Variants in MOGAT1 observed in about 807,000 individuals in gnomAD.
MOGAT1 encodes monoacylglycerol O-acyltransferase 1.
MOGAT1 carries 32 observed loss-of-function variants against 31.4 expected under a neutral mutation model. That is an observed-to-expected ratio of 1.02 (90% CI 0.77 to 1.37). The LOEUF is 1.37. Among genes scored for constraint, MOGAT1 ranks in the 40% most tolerant of loss-of-function variants. The pLI is 0.00. For synonymous variants in MOGAT1, 145 were observed against 144.5 expected (o/e 1.00, Z -0.03); for missense variants, 426 against 402.0 (o/e 1.06, Z -0.51).
At chr2:222,696,430 AT>A (rs759159968) in intron 5 of MOGAT1, among the ~76,000 whole-genome samples, 2 of 152,190 alleles carry the variant, frequency 1.3e-5, no homozygotes, top group Non-Finnish European at 1.5e-5. Context: ...AACATCTATT[AT>A]TTTTTGAATT....
chr2:222,680,179 C>T (rs1025802146), intron 1 of MOGAT1, among the ~76,000 whole-genome samples: 1 of 152,186 alleles, frequency 6.6e-6, no homozygotes, highest in African/African-American at 2.4e-5. Flanking sequence ...GGAGAAAGTA[C>T]ATTTTAACAT....
chr2:222,671,892 C>T lies in MOGAT1; in HGVS notation c.94+13C>T, dbSNP rs766438332. 29 of 1,544,368 alleles carry T rather than the reference C, an allele frequency of 1.9e-5. No individual in the cohort carries two copies. Among genetic ancestry groups the T allele is most frequent in the Non-Finnish European group, 2.5e-5 (29 of 1,141,188 alleles). ...TACCTGCTGCTCGGTAAGGACCCCG[C>T]CCCCCGGGCCGCGGGGCTTGGGCTC... On this transcript the variant is annotated intron_variant, in intron 1 of 5. Transcript: ENST00000446656.
chr2:222,694,105 A>G (rs1314842153), intron 3 of MOGAT1, among the ~76,000 whole-genome samples: 1 of 152,178 alleles, frequency 6.6e-6, no homozygotes, highest in African/African-American at 2.4e-5. Context: ...ACCTACCTAA[A>G]CAAACAAGTG....
In MOGAT1 at chr2:222,689,271, A is replaced by G. The variant is rs939720598; in HGVS notation, c.280A>G (p.Lys94Glu). Residue 94 changes from lysine to glutamate, a missense_variant, in exon 3 of 6, where the codon AAA becomes GAA. Coordinates refer to ENST00000446656, the MANE Select transcript of MOGAT1 (RefSeq NM_058165.3). ...CAATATGAATGTGCTGTAGCTTATC[A>G]AAACTCAAGATTTGGATCCAAGTCA... ...FKDYFPIHLI[K>E]TQDLDPSHNY... The G allele has an allele frequency of 1.9e-6, 3 of 1,612,548 alleles. No homozygotes were observed. Among genetic ancestry groups the G allele is most frequent in the African/African-American group, 1.3e-5 (1 of 74,898 alleles).
At chr2:222,684,250 A>G (rs1692628388) in intron 1 of MOGAT1, among the ~76,000 whole-genome samples, 1 of 152,018 alleles carries the variant, frequency 6.6e-6, no homozygotes, top group Non-Finnish European at 1.5e-5. Context: ...CTAAAACTAC[A>G]AAAATTAGCT....
intron 5 of MOGAT1, among the ~76,000 whole-genome samples, chr2:222,703,546 G>A (rs1025375509): frequency 1.3e-5 from 2 of 152,158 alleles, no homozygotes; most frequent in African/African-American, 4.8e-5. Flanking sequence ...ATGTTCATGA[G>A]TGAGTGTGTC....
chr2:222,680,156 A>G (rs1246123692), intron 1 of MOGAT1, among the ~76,000 whole-genome samples: 1 of 152,218 alleles, frequency 6.6e-6, no homozygotes, highest in Non-Finnish European at 1.5e-5. Context: ...AGTTCCTTCA[A>G]TCTGGAAAAT....
chr2:222,676,448 G>C (rs1333872865), intron 1 of MOGAT1, among the ~76,000 whole-genome samples: 3 of 151,982 alleles, frequency 2.0e-5, no homozygotes, highest in African/African-American at 4.8e-5. Context: ...ATTGCTTTTT[G>C]TTTCTAAGCA....
At chr2:222,704,008 C>T (rs1464989424) in intron 5 of MOGAT1, among the ~76,000 whole-genome samples, 1 of 152,076 alleles carries the variant, frequency 6.6e-6, no homozygotes, top group African/African-American at 2.4e-5. Context: ...ACATGCATAA[C>T]TAATCTTGAA....
At chr2:222,675,646 A>AT in intron 1 of MOGAT1, among the ~76,000 whole-genome samples, 1 of 151,518 alleles carries the variant, frequency 6.6e-6, no homozygotes, top group Non-Finnish European at 1.5e-5. Flanking sequence ...CGCCCGGCTG[A>AT]TTTTTTGTAT....
intron 1 of MOGAT1, among the ~76,000 whole-genome samples, chr2:222,684,619 C>A (rs945806739): frequency 1.3e-5 from 2 of 151,892 alleles, no homozygotes; most frequent in Non-Finnish European, 2.9e-5. Flanking sequence ...CCCTGTCACC[C>A]GGGCTGAAGT....
intron 5 of MOGAT1, among the ~76,000 whole-genome samples, chr2:222,703,313 T>G (rs1692955345): frequency 6.6e-6 from 1 of 152,198 alleles, no homozygotes; most frequent in Non-Finnish European, 1.5e-5. Flanking sequence ...GGAGGGCATA[T>G]TCTACAGAGG....
chr2:222,702,841 AAAAC>A (rs1313931186), intron 5 of MOGAT1, among the ~76,000 whole-genome samples: 12 of 152,008 alleles, frequency 7.9e-5, no homozygotes, highest in Admixed American at 2.6e-4. Flanking sequence ...AAAACCACAA[AAAAC>A]AAACAAACAA....
intron 3 of MOGAT1, among the ~76,000 whole-genome samples, chr2:222,692,796 G>C (rs936946925): frequency 2.6e-5 from 4 of 152,194 alleles, no homozygotes; most frequent in Non-Finnish European, 5.9e-5. Flanking sequence ...CAAGGAGCCT[G>C]AGGGAAAACG....
At chr2:222,675,987 T>C (rs1692491572) in intron 1 of MOGAT1, among the ~76,000 whole-genome samples, 1 of 152,160 alleles carries the variant, frequency 6.6e-6, no homozygotes, top group South Asian at 2.1e-4. Context: ...TAAATCAAAA[T>C]CCCAGAATGC....
At chr2:222,679,258 G>T (rs1281207159) in intron 1 of MOGAT1, among the ~76,000 whole-genome samples, 1 of 152,112 alleles carries the variant, frequency 6.6e-6, no homozygotes. Flanking sequence ...CATCTATCTT[G>T]ATGCCAGTAC....
intron 1 of MOGAT1, among the ~76,000 whole-genome samples, chr2:222,680,659 A>T (rs1692566399): frequency 6.6e-6 from 1 of 152,190 alleles, no homozygotes; most frequent in Non-Finnish European, 1.5e-5. Flanking sequence ...TGTCTCCGGG[A>T]ATAAGAAGGA....
chr2:222,690,802 G>A (rs1430083658), intron 3 of MOGAT1, among the ~76,000 whole-genome samples: 9 of 152,188 alleles, frequency 5.9e-5, no homozygotes, highest in African/African-American at 1.9e-4. Context: ...TGCAGAGGGT[G>A]CACTATCCCC....
At chr2:222,679,834 C>A (rs1692552041) in intron 1 of MOGAT1, among the ~76,000 whole-genome samples, 1 of 152,100 alleles carries the variant, frequency 6.6e-6, no homozygotes, top group Non-Finnish European at 1.5e-5. Flanking sequence ...GGTAGATCTC[C>A]AAACAGACCA....
Sources: allele counts gnomAD v4.1 joint callset (sites outside exome capture counted in the v4.1 genomes callset), GRCh38; gene constraint gnomAD v4.1.1; transcripts MANE v1.5; gene names NCBI Gene and HGNC (gene_info 2026-07-23, HGNC 2026-07-21).